The following ARHGAP26 variants were observed in gnomAD, a reference collection of about 807,000 sequenced individuals.
ARHGAP26 encodes rho GTPase-activating protein 26.
ARHGAP26 carries 38 observed loss-of-function variants against 104.8 expected under a neutral mutation model. That is an observed-to-expected ratio of 0.36 (90% CI 0.28 to 0.48). The LOEUF is 0.48. Among genes scored for constraint, ARHGAP26 ranks in the 20% least tolerant of loss-of-function variants. The pLI, the probability that ARHGAP26 is intolerant of heterozygous loss-of-function variation, is 0.99. For missense variants in ARHGAP26, 704 were observed against 947.9 expected (o/e 0.74, Z 3.38); for synonymous variants, 341 against 340.0 (o/e 1.00, Z -0.03).
chr5:143,058,573 A>C (rs1305223178), intron 17 of ARHGAP26, among the ~76,000 whole-genome samples: 1 of 152,256 alleles, frequency 6.6e-6, no homozygotes, highest in Non-Finnish European at 1.5e-5. Flanking sequence ...AAAGAATGAG[A>C]GCATAACAGT....
chr5:143,163,101 T>TA, intron 20 of ARHGAP26, among the ~76,000 whole-genome samples: 1 of 152,178 alleles, frequency 6.6e-6, no homozygotes, highest in East Asian at 1.9e-4. Context: ...GGTGACACAG[T>TA]AAGACCTCAT....
chr5:143,207,092 C>T, intron 20 of ARHGAP26, 106 bp from the exon 21 acceptor site: 1 of 1,413,582 alleles, frequency 7.1e-7, no homozygotes, highest in South Asian at 1.3e-5. Context: ...TTTCGGTGCT[C>T]CTCTGCTCTG....
At chr5:143,128,598 T>C (rs924661009) in intron 18 of ARHGAP26, among the ~76,000 whole-genome samples, 1 of 152,202 alleles carries the variant, frequency 6.6e-6, no homozygotes. Context: ...AAGACTTGCC[T>C]GGCTTCCACT....
intron 11 of ARHGAP26, among the ~76,000 whole-genome samples, chr5:142,956,392 A>G (rs1238735907): frequency 6.6e-6 from 1 of 152,130 alleles, no homozygotes; most frequent in Non-Finnish European, 1.5e-5. Context: ...ACTGGACAAC[A>G]CAGCAAGAAC....
intron 10 of ARHGAP26, among the ~76,000 whole-genome samples, chr5:142,920,523 A>G (rs1598247184): frequency 6.6e-6 from 1 of 152,196 alleles, no homozygotes; most frequent in Non-Finnish European, 1.5e-5. Flanking sequence ...CTGAATCAAT[A>G]AAGTCTCTTG....
intron 17 of ARHGAP26, among the ~76,000 whole-genome samples, chr5:143,118,956 A>C (rs80095256): frequency 6.6e-6 from 1 of 151,038 alleles, no homozygotes; most frequent in Non-Finnish European, 1.5e-5. Context: ...AAAAAAAAAA[A>C]GAAAGAAGAA....
chr5:142,814,112 C>G (rs974003439), intron 1 of ARHGAP26, among the ~76,000 whole-genome samples: 1 of 152,170 alleles, frequency 6.6e-6, no homozygotes, highest in African/African-American at 2.4e-5. Flanking sequence ...GCTTATTAAC[C>G]CTTGTGTCTT....
chr5:143,152,560 A>G (rs929578393), intron 20 of ARHGAP26, among the ~76,000 whole-genome samples: 1 of 152,216 alleles, frequency 6.6e-6, no homozygotes, highest in Admixed American at 6.5e-5. Flanking sequence ...CTGTAGGCCC[A>G]TAGTAGATTA....
chr5:143,096,545 G>A (rs988340932), intron 17 of ARHGAP26, among the ~76,000 whole-genome samples: 1 of 152,190 alleles, frequency 6.6e-6, no homozygotes, highest in Non-Finnish European at 1.5e-5. Context: ...TCGCACAACT[G>A]CTTTCCCTCA....
chr5:143,200,331 G>C (rs563546123), intron 20 of ARHGAP26, among the ~76,000 whole-genome samples: 2 of 152,262 alleles, frequency 1.3e-5, no homozygotes, highest in South Asian at 4.2e-4. Flanking sequence ...TTACTTTCAG[G>C]AATTTATGCT....
chr5:142,911,591 G>T (rs920017955), intron 9 of ARHGAP26, among the ~76,000 whole-genome samples: 16 of 152,186 alleles, frequency 1.1e-4, no homozygotes, highest in African/African-American at 3.9e-4. Context: ...GCAATCAATA[G>T]TTGAACAGAC....
intron 1 of ARHGAP26, among the ~76,000 whole-genome samples, chr5:142,790,529 T>C (rs1013726890): frequency 3.2e-4 from 48 of 152,200 alleles, no homozygotes; most frequent in African/African-American, 1.1e-3. Flanking sequence ...TATTCCACTC[T>C]TTCTCATCCA....
intron 1 of ARHGAP26, chr5:142,772,646 T>C (rs1433578751): frequency 2.2e-6 from 1 of 461,580 alleles, no homozygotes; most frequent in South Asian, 1.6e-5. Flanking sequence ...AAACAGAGAC[T>C]GGGGGAAGCA....
intron 17 of ARHGAP26, among the ~76,000 whole-genome samples, chr5:143,091,729 T>G (rs992575051): frequency 1.3e-5 from 2 of 152,242 alleles, no homozygotes; most frequent in African/African-American, 2.4e-5. Context: ...TTTATAATTT[T>G]TGTTAAAGAG....
In ARHGAP26 at chr5:142,770,427, C is replaced by G. The variant is rs553383205; in HGVS notation, c.-335C>G. On this transcript the variant is annotated 5_prime_UTR_variant, in exon 1 of 23. Transcript: ENST00000645722. The stretch of plus-strand genomic sequence containing the variant: ...GCTGTGAGAGGGCGCTCGAGGCTGC[C>G]GAGAGCTAGCTAGCGAAGGAGGCGG... 1.0e-5 allele frequency: 2 copies of G among 193,400 alleles called. No individual in the cohort carries two copies. Among genetic ancestry groups the G allele is most frequent in the South Asian group, 3.8e-4 (2 of 5,224 alleles). 12.0% of individuals were successfully genotyped at this position (193,400 alleles called of 1,614,324 possible). A position where few individuals can be genotyped will look rare whatever the true frequency, so the allele number is the denominator to read the frequency against.
chr5:143,053,408 G>A (rs1270607399), intron 14 of ARHGAP26, among the ~76,000 whole-genome samples: 1 of 152,090 alleles, frequency 6.6e-6, no homozygotes, highest in African/African-American at 2.4e-5. Flanking sequence ...GCCAGTATGA[G>A]GGAGCTGGAT....
rs571726334 is a variant in ARHGAP26, at chr5:143,112,050, G to A, written c.1539-8938G>A. 5.3e-5 allele frequency among the ~76,000 whole-genome samples: 8 copies of A among 152,336 alleles called. No individual in the cohort carries two copies. In the South Asian group the frequency reaches 6.2e-4, roughly 12 times the overall value. On this transcript the variant is annotated intron_variant, in intron 17 of 22. Coordinates refer to ENST00000645722, the MANE Select transcript of ARHGAP26 (RefSeq NM_001135608.3). Reference sequence around the variant, plus strand: ...GATACGCAAACTGCTAGGCACTGGCGTGTGGCAGTGAGGGAGGCTGATGAC... The same window carrying A: ...GATACGCAAACTGCTAGGCACTGGCATGTGGCAGTGAGGGAGGCTGATGAC...
chr5:143,115,511 T>C (rs1303528967), intron 17 of ARHGAP26, among the ~76,000 whole-genome samples: 1 of 151,356 alleles, frequency 6.6e-6, no homozygotes, highest in Non-Finnish European at 1.5e-5. Flanking sequence ...AGATGCAACC[T>C]CTTGCCCCAA....
chr5:143,170,578 A>G (rs543223811), intron 20 of ARHGAP26: 7 of 152,364 alleles, frequency 4.6e-5, no homozygotes, highest in African/African-American at 1.7e-4. Flanking sequence ...AATGGTGGTA[A>G]TGACAATGAT....
Sources: allele counts gnomAD v4.1 joint callset (sites outside exome capture counted in the v4.1 genomes callset), GRCh38; gene constraint gnomAD v4.1.1; transcripts MANE v1.5; gene names NCBI Gene and HGNC (gene_info 2026-07-23, HGNC 2026-07-21).